The following SH3RF1 variants were observed in gnomAD, a reference collection of about 807,000 sequenced individuals.
The protein encoded by SH3RF1 is E3 ubiquitin-protein ligase SH3RF1.
Under a neutral mutation model 74.0 loss-of-function variants are expected in SH3RF1, and 32 were observed. The observed-to-expected ratio is 0.43, with a 90% confidence interval of 0.33 to 0.58. The LOEUF (loss-of-function observed/expected upper bound fraction) is 0.58. Ranked by LOEUF, SH3RF1 falls within the 20% of genes least tolerant of loss-of-function variation. SH3RF1 has a pLI of 0.05. For synonymous variants in SH3RF1, 396 were observed against 439.6 expected (o/e 0.90, Z 1.24); for missense variants, 954 against 1,130.9 (o/e 0.84, Z 2.24).
chr4:169,222,477 T>C (rs1165064134), intron 2 of SH3RF1, among the ~76,000 whole-genome samples: 1 of 149,172 alleles, frequency 6.7e-6, no homozygotes, highest in Non-Finnish European at 1.5e-5. Context: ...AAAATACATA[T>C]ATATGTATTT....
At chr4:169,211,933 T>G (rs1324918647) in intron 2 of SH3RF1, among the ~76,000 whole-genome samples, 1 of 152,150 alleles carries the variant, frequency 6.6e-6, no homozygotes, top group African/African-American at 2.4e-5. Context: ...CTGTTACATG[T>G]TTTTTCCCAA....
rs796116182 is a variant in SH3RF1, at chr4:169,094,429, A to T, written c.*2090T>A. On this transcript the variant is annotated 3_prime_UTR_variant, in exon 12 of 12. Transcript: ENST00000284637. ...CAAAAAACCAATAGAAAACCCATAC[A>T]TTATATTACCTAATGATCTATTAAC... 12 of 152,262 alleles carry T rather than the reference A, an allele frequency of 7.9e-5. 1 individual carries two copies. The highest frequency in any genetic ancestry group is 2.9e-4 in the African/African-American group (12 of 41,566). The allele number at this position is 152,262 out of a possible 1,614,324, so 9.4% of individuals were successfully genotyped here.
intron 2 of SH3RF1, among the ~76,000 whole-genome samples, chr4:169,167,652 C>A (rs1297592610): frequency 6.6e-6 from 1 of 152,026 alleles, no homozygotes; most frequent in African/African-American, 2.4e-5. Context: ...ATAAAATATT[C>A]AAAAACAGGT....
chr4:169,237,871 T>C (rs1730845269), intron 2 of SH3RF1, among the ~76,000 whole-genome samples: 1 of 151,706 alleles, frequency 6.6e-6, no homozygotes, highest in Non-Finnish European at 1.5e-5. Context: ...ATTTATGATT[T>C]CCCCCCCGCT....
intron 7 of SH3RF1, 137 bp from the exon 8 acceptor site, chr4:169,121,126 A>G: frequency 2.8e-6 from 2 of 709,094 alleles, no homozygotes; most frequent in Non-Finnish European, 4.7e-6. Flanking sequence ...ATCTATAAGT[A>G]GCACTGACAA....
At chr4:169,112,151 T>A (rs1417292092) in intron 10 of SH3RF1, among the ~76,000 whole-genome samples, 2 of 152,196 alleles carry the variant, frequency 1.3e-5, no homozygotes, top group African/African-American at 4.8e-5. Context: ...AGTAAATGGA[T>A]GATGATGCTC....
At chr4:169,206,766 G>A (rs563457613) in intron 2 of SH3RF1, among the ~76,000 whole-genome samples, 4 of 152,082 alleles carry the variant, frequency 2.6e-5, no homozygotes, top group Non-Finnish European at 5.9e-5. Flanking sequence ...GACATGTAGC[G>A]TTGCATTCAT....
chr4:169,241,167 T>C (rs1730902561), intron 2 of SH3RF1, among the ~76,000 whole-genome samples: 3 of 152,208 alleles, frequency 2.0e-5, no homozygotes, highest in African/African-American at 4.8e-5. Context: ...GAGGCGGAGA[T>C]TGCAGTGAGC....
At chr4:169,119,195 C>T (rs1561028512) in intron 8 of SH3RF1, among the ~76,000 whole-genome samples, 1 of 151,796 alleles carries the variant, frequency 6.6e-6, no homozygotes, top group African/African-American at 2.4e-5. Flanking sequence ...CCTCCGCCTC[C>T]CAGGTTCAAG....
chr4:169,191,770 C>A (rs1030208105), intron 2 of SH3RF1, among the ~76,000 whole-genome samples: 1 of 151,988 alleles, frequency 6.6e-6, no homozygotes, highest in Non-Finnish European at 1.5e-5. Context: ...TTCGACAAGG[C>A]AAACAAAAAC....
intron 2 of SH3RF1, among the ~76,000 whole-genome samples, chr4:169,199,005 T>G (rs1439241643): frequency 6.6e-6 from 1 of 152,162 alleles, no homozygotes; most frequent in East Asian, 1.9e-4. Context: ...GGACAATACT[T>G]CTAGAAAGCA....
intron 2 of SH3RF1, among the ~76,000 whole-genome samples, chr4:169,232,778 T>C (rs907989219): frequency 6.1e-4 from 93 of 152,176 alleles, no homozygotes; most frequent in Non-Finnish European, 1.6e-4. Flanking sequence ...AGATATGTTT[T>C]TACCCCTCTT....
chr4:169,116,406 T>C lies in SH3RF1; in HGVS notation c.2002A>G (p.Ser668Gly), dbSNP rs754597124. Reference sequence around the variant, plus strand: ...GCCTCCAGAGAAGCACTGGTGATGCTTGGGGAAGTCAGTGGAGCAGCTGCT... The same window carrying C: ...GCCTCCAGAGAAGCACTGGTGATGCCTGGGGAAGTCAGTGGAGCAGCTGCT... ...CAAAAPLTSPSITSASLEAEP... is the reference protein window; with the variant it reads ...CAAAAPLTSPGITSASLEAEP... Residue 668 changes from serine (S) to glycine (G), a missense_variant, in exon 10 of 12, where the codon AGC (serine) becomes GGC (glycine). Physicochemically the swap from Ser to Gly is moderately conservative, Grantham distance 56 (BLOSUM62 0). Around this residue, in one of 3 missense-constraint regions of SH3RF1, gnomAD observed 854 missense variants for 962.5 expected, o/e 0.89. Transcript: ENST00000284637. The C allele has an allele frequency of 4.3e-6, 7 of 1,614,102 alleles. No homozygotes were observed. In the South Asian group the frequency reaches 4.4e-5, roughly 10 times the overall value.
At chr4:169,125,980 G>A (rs1477473557) in intron 6 of SH3RF1, among the ~76,000 whole-genome samples, 2 of 152,212 alleles carry the variant, frequency 1.3e-5, no homozygotes, top group Non-Finnish European at 2.9e-5. Flanking sequence ...ATGTATATCA[G>A]TTAAGTGACT....
In SH3RF1 at chr4:169,096,621, A is replaced by C. The variant is rs1561022378; in HGVS notation, c.2565T>G (p.Ile855Met). 6.2e-7 allele frequency: 1 copy of C among 1,614,166 alleles called. No individual in the cohort carries two copies. Among genetic ancestry groups the C allele is most frequent in the Non-Finnish European group, 8.5e-7 (1 of 1,180,014 alleles). The change falls in exon 12 of 12, where the codon ATT becomes ATG. Residue 855 changes from isoleucine (I) to methionine (M), a missense_variant. Coordinates refer to ENST00000284637, the MANE Select transcript of SH3RF1 (RefSeq NM_020870.4). ...EAELELKEGD[I>M]VFVHKKREDG... ...CCTCTCGTTTTTTATGAACAAACACAATATCTCCTTCTTTAAGTTCAAGTT... is the reference window on the plus strand; with the variant it reads ...CCTCTCGTTTTTTATGAACAAACACCATATCTCCTTCTTTAAGTTCAAGTT...
At chr4:169,219,781 T>C (rs1730532865) in intron 2 of SH3RF1, among the ~76,000 whole-genome samples, 1 of 152,234 alleles carries the variant, frequency 6.6e-6, no homozygotes, top group Admixed American at 6.5e-5. Context: ...CTTCTTCATT[T>C]TTATCCCTCT....
At chr4:169,146,797 G>A (rs752335833) in intron 4 of SH3RF1, among the ~76,000 whole-genome samples, 18 of 152,136 alleles carry the variant, frequency 1.2e-4, no homozygotes, top group South Asian at 4.2e-4. Context: ...TTTGGGGAGC[G>A]TAAAAAGCTG....
intron 2 of SH3RF1, among the ~76,000 whole-genome samples, chr4:169,238,285 G>C (rs781709539): frequency 2.0e-5 from 3 of 152,198 alleles, no homozygotes; most frequent in Non-Finnish European, 2.9e-5. Context: ...GCACAGCAGG[G>C]AGAAAGGAAC....
rs1732884112 is a variant in SH3RF1, at chr4:169,094,737, T to TTC, written c.*1781_*1782insGA. On this transcript the variant is annotated 3_prime_UTR_variant, in exon 12 of 12. Transcript: ENST00000284637. ...TACATGAATATCCAAGTAAAGTATTTTTTTTTTAAATTCAACACACAGGAA... is the reference window on the plus strand; with the variant it reads ...TACATGAATATCCAAGTAAAGTATTTTCTTTTTTTAAATTCAACACACAGGAA... The TTC allele has an allele frequency of 6.6e-6, 1 of 151,558 alleles. No individual in the cohort carries two copies. Among genetic ancestry groups the TTC allele is most frequent in the Non-Finnish European group, 1.5e-5 (1 of 67,832 alleles). 9.4% of individuals were successfully genotyped at this position (151,558 alleles called of 1,614,324 possible).
Sources: allele counts gnomAD v4.1 joint callset (sites outside exome capture counted in the v4.1 genomes callset), GRCh38; gene constraint gnomAD v4.1.1; regional missense constraint gnomAD v4.1.1; transcripts MANE v1.5; gene names NCBI Gene and HGNC (gene_info 2026-07-23, HGNC 2026-07-21).